Variants in SEMA6D observed in about 807,000 individuals in gnomAD.
SEMA6D encodes the protein semaphorin-6D.
A neutral mutation model predicts 106.6 loss-of-function variants in SEMA6D; 35 were observed. The ratio of observed to expected loss-of-function variants is 0.33; its 90% CI spans 0.25 to 0.44. The LOEUF (loss-of-function observed/expected upper bound fraction) is 0.44, where lower values mean the gene tolerates loss of function less well. Among genes scored for constraint, SEMA6D ranks in the 20% least tolerant of loss-of-function variants. The probability of loss-of-function intolerance (pLI) is 1.00; values close to 1 mark genes in which losing one functional copy is unlikely to be tolerated. For missense variants in SEMA6D, 1,185 were observed against 1,345.9 expected, an observed-to-expected ratio of 0.88 and a Z score of 1.87; for synonymous variants, 499 against 487.7, an observed-to-expected ratio of 1.02 and a Z score of -0.31.
chr15:47,731,173 T>A (rs2080097458), intron 1 of SEMA6D, among the ~76,000 whole-genome samples: 1 of 152,170 alleles, frequency 6.6e-6, no homozygotes, highest in Non-Finnish European at 1.5e-5. Flanking sequence ...GCTAATATAG[T>A]TTTGAGACTC....
chr15:47,206,511 C>T (rs1260206501), intron 1 of SEMA6D, among the ~76,000 whole-genome samples: 1 of 152,190 alleles, frequency 6.6e-6, no homozygotes, highest in Non-Finnish European at 1.5e-5. Flanking sequence ...CTGAAATGAA[C>T]TATCAGCTTC....
In SEMA6D at chr15:47,315,161, C is replaced by T. The variant is rs145982479; in HGVS notation, c.-238-97232C>T. On this transcript the variant is annotated intron_variant, in intron 1 of 19. Coordinates refer to the SEMA6D transcript ENST00000558014. ...GATTACAAGCGTGAGCCACCGCGCC[C>T]GGCCCTAGGTTTTCTTAAGTGTTAT... Among the ~76,000 whole-genome samples the T allele has an allele frequency of 4.4e-3, 675 of 152,156 alleles. 6 individuals carry two copies. The highest frequency in any genetic ancestry group is 0.015 in the African/African-American group (634 of 41,514).
intron 2 of SEMA6D, among the ~76,000 whole-genome samples, chr15:47,429,906 TTC>T (rs1446695413): frequency 6.6e-6 from 1 of 152,098 alleles, no homozygotes; most frequent in South Asian, 2.1e-4. Context: ...TGTGAAAAGT[TTC>T]TCTTACCTTC....
chr15:47,615,521 A>G (rs1047226572), intron 4 of SEMA6D, among the ~76,000 whole-genome samples: 1 of 152,210 alleles, frequency 6.6e-6, no homozygotes, highest in East Asian at 1.9e-4. Flanking sequence ...TTTTTTACGA[A>G]ACTGTCTTCT....
At chr15:47,381,450 A>G (rs572781528) in intron 1 of SEMA6D, among the ~76,000 whole-genome samples, 3 of 152,182 alleles carry the variant, frequency 2.0e-5, no homozygotes, top group African/African-American at 4.8e-5. Flanking sequence ...CCTATAGCAT[A>G]GTTCCTGAAA....
At chr15:47,679,001 C>G (rs916202747) in intron 4 of SEMA6D, among the ~76,000 whole-genome samples, 1 of 152,132 alleles carries the variant, frequency 6.6e-6, no homozygotes, top group Non-Finnish European at 1.5e-5. Flanking sequence ...CTTACGAATG[C>G]TGGTCCTCTG....
chr15:47,716,646 C>G (rs1331488465), upstream of SEMA6D, among the ~76,000 whole-genome samples: 1 of 152,086 alleles, frequency 6.6e-6, no homozygotes, highest in Non-Finnish European at 1.5e-5. Context: ...TTAAAATCCT[C>G]TTGTTTTGGA....
At chr15:47,348,721 CA>C (rs1191507141) in intron 1 of SEMA6D, among the ~76,000 whole-genome samples, 1,241 of 24,288 alleles carry the variant, frequency 0.051, 16 homozygotes, top group Middle Eastern at 0.083. Flanking sequence ...ACACACACCA[CA>C]CACACAGAGA....
chr15:47,699,327 T>C (rs528605504), intron 4 of SEMA6D, among the ~76,000 whole-genome samples: 1 of 152,330 alleles, frequency 6.6e-6, no homozygotes, highest in African/African-American at 2.4e-5. Context: ...CCCTTGCTAT[T>C]TTGTCTTTTA....
At chr15:47,465,075 CACA>C (rs2042618829) in intron 2 of SEMA6D, among the ~76,000 whole-genome samples, 1 of 152,194 alleles carries the variant, frequency 6.6e-6, no homozygotes. Context: ...CTCACAGATA[CACA>C]ACAACTAAAT....
intron 18 of SEMA6D, 87 bp downstream of exon 18, chr15:47,768,835 G>A (rs2147927580): frequency 1.5e-6 from 2 of 1,310,218 alleles, no homozygotes. Context: ...TCCAGAGGTG[G>A]GCCTCACAGG....
chr15:47,495,495 T>G (rs73388966), intron 3 of SEMA6D, among the ~76,000 whole-genome samples: 4,406 of 152,064 alleles, frequency 0.029, 219 homozygotes, highest in African/African-American at 0.1. Context: ...CCATTACTAT[T>G]TATGTTAAAA....
intron 2 of SEMA6D, among the ~76,000 whole-genome samples, chr15:47,469,334 G>A (rs1167780417): frequency 2.7e-5 from 4 of 146,972 alleles, no homozygotes; most frequent in Non-Finnish European, 3.0e-5. Context: ...GTATGTGCAC[G>A]CATGTGCGTG....
chr15:47,534,910 A>C (rs1181470074), intron 3 of SEMA6D, among the ~76,000 whole-genome samples: 1 of 152,106 alleles, frequency 6.6e-6, no homozygotes, highest in Non-Finnish European at 1.5e-5. Flanking sequence ...TATAAACACT[A>C]GTCTATGCAT....
chr15:47,430,658 G>A (rs1943158177), intron 2 of SEMA6D, among the ~76,000 whole-genome samples: 1 of 151,952 alleles, frequency 6.6e-6, no homozygotes, highest in African/African-American at 2.4e-5. Flanking sequence ...AAGAGCATAT[G>A]TTTCCTTTCA....
At chr15:47,370,790 C>T (rs572743976) in intron 1 of SEMA6D, among the ~76,000 whole-genome samples, 10 of 150,440 alleles carry the variant, frequency 6.6e-5, no homozygotes, top group African/African-American at 2.4e-4. Flanking sequence ...CGTTTGACTC[C>T]CTAAGGTGGA....
rs374770930 is a variant in SEMA6D, at chr15:47,228,163, C to CACACACAT, written c.-239+43746_-239+43747insCACACATA. Among the ~76,000 whole-genome samples, 1,135 of 136,816 alleles carry CACACACAT rather than the reference C, an allele frequency of 8.3e-3. 16 individuals carry two copies. The highest frequency in any genetic ancestry group is 0.026 in the African/African-American group (968 of 36,816). 89.8% of individuals were successfully genotyped at this position (136,816 alleles called of 152,430 possible). ...ACACACACACACACACACACACACA[C>CACACACAT]ATATATATATAACCTTTTGTTACTT... On this transcript the variant is annotated intron_variant, in intron 1 of 19. Coordinates refer to the SEMA6D transcript ENST00000558014.
intron 1 of SEMA6D, among the ~76,000 whole-genome samples, chr15:47,744,698 TG>T (rs769797790): frequency 9.9e-5 from 15 of 152,198 alleles, no homozygotes; most frequent in Non-Finnish European, 1.6e-4. Context: ...AGCCCATTTG[TG>T]GTTCAGCGTC....
chr15:47,523,132 A>G (rs533132023), intron 3 of SEMA6D, among the ~76,000 whole-genome samples: 61 of 152,258 alleles, frequency 4.0e-4, no homozygotes, highest in Non-Finnish European at 7.6e-4. Context: ...GCTGAATCCA[A>G]CTGAAAGCCA....
Sources: allele counts gnomAD v4.1 joint callset (sites outside exome capture counted in the v4.1 genomes callset), GRCh38; gene constraint gnomAD v4.1.1; transcripts MANE v1.5; gene names NCBI Gene and HGNC (gene_info 2026-07-23, HGNC 2026-07-21).